SCN11A: variants seen among roughly 807,000 people sequenced by gnomAD.
SCN11A encodes the protein sodium channel protein type 11 subunit alpha.
A neutral mutation model predicts 162.2 loss-of-function variants in SCN11A; 122 were observed. That is an observed-to-expected ratio of 0.75 (90% confidence interval 0.65 to 0.87). SCN11A has a LOEUF of 0.87. Ranked by LOEUF, SCN11A falls within the 40% of genes least tolerant of loss-of-function variation. The pLI is 0.00. For missense variants in SCN11A, 2,015 were observed against 2,181.6 expected (o/e 0.92, Z 1.52); for synonymous variants, 758 against 751.5 (o/e 1.01, Z -0.14).
At chr3:38,925,334 T>G in intron 9 of SCN11A, 81 bp downstream of exon 9, 1 of 934,650 alleles carries the variant, frequency 1.1e-6, no homozygotes, top group East Asian at 2.6e-5. Context: ...TTGGTTTACA[T>G]GATGACATTT....
chr3:38,871,318 A>C (rs2126095650), intron 25 of SCN11A, 127 bp downstream of exon 25: 1 of 937,504 alleles, frequency 1.1e-6, no homozygotes. Flanking sequence ...ATTGGCTTTC[A>C]TATAAGGAAT....
chr3:38,964,942 G>T (rs1259293581), intron 2 of SCN11A, among the ~76,000 whole-genome samples: 1 of 152,244 alleles, frequency 6.6e-6, no homozygotes, highest in African/African-American at 2.4e-5. Context: ...TGACATCCAT[G>T]CAAATAAGCA....
chr3:38,868,084 T>C (rs2065070239), intron 26 of SCN11A, among the ~76,000 whole-genome samples: 2 of 152,210 alleles, frequency 1.3e-5, no homozygotes, highest in Admixed American at 6.5e-5. Flanking sequence ...TAGTCTAAGA[T>C]ACAACCCAAA....
intron 4 of SCN11A, among the ~76,000 whole-genome samples, chr3:38,951,323 C>A (rs867309345): frequency 6.6e-6 from 1 of 152,226 alleles, no homozygotes; most frequent in Non-Finnish European, 1.5e-5. Context: ...TGTACTGGGT[C>A]CCCCAGCAGA....
chr3:38,955,778 TACTCCCAAACA>T (rs550672111), intron 3 of SCN11A, among the ~76,000 whole-genome samples: 22 of 152,360 alleles, frequency 1.4e-4, no homozygotes, highest in African/African-American at 4.6e-4. Context: ...CTTGAGTATA[TACTCCCAAACA>T]ATGAAAAGAG....
intron 17 of SCN11A, 71 bp from the exon 18 acceptor site, chr3:38,897,296 A>G (rs2065620097): frequency 6.8e-7 from 1 of 1,469,086 alleles, no homozygotes; most frequent in Non-Finnish European, 9.2e-7. Flanking sequence ...GCTCATCTAT[A>G]AAGCAAATGA....
chr3:38,938,513 T>TATATATATAC (rs1437847716), intron 7 of SCN11A, among the ~76,000 whole-genome samples: 19 of 10,740 alleles, frequency 1.8e-3, no homozygotes, highest in African/African-American at 6.4e-3. Flanking sequence ...AAATATCATA[T>TATATATATAC]ATATATATAT....
At chr3:38,858,256 C>G (rs1434203120) in intron 28 of SCN11A, among the ~76,000 whole-genome samples, 1 of 152,088 alleles carries the variant, frequency 6.6e-6, no homozygotes, top group East Asian at 1.9e-4. Flanking sequence ...AACCAAGCAT[C>G]TACTGTCTTC....
intron 2 of SCN11A, among the ~76,000 whole-genome samples, chr3:38,964,766 G>C (rs1336489171): frequency 1.3e-5 from 2 of 152,182 alleles, no homozygotes; most frequent in Non-Finnish European, 2.9e-5. Context: ...AAGAAGAGGA[G>C]GCAAAGTTGA....
intron 11 of SCN11A, among the ~76,000 whole-genome samples, chr3:38,918,480 A>G (rs1393897110): frequency 6.6e-6 from 1 of 152,216 alleles, no homozygotes; most frequent in East Asian, 1.9e-4. Context: ...CACGCTCCTT[A>G]TGAGAATCTA....
intron 2 of SCN11A, among the ~76,000 whole-genome samples, chr3:39,004,898 GA>G (rs1198789142): frequency 6.6e-6 from 1 of 152,124 alleles, no homozygotes; most frequent in Non-Finnish European, 1.5e-5. Flanking sequence ...CTGAGACACC[GA>G]ATTGTAGAAG....
chr3:39,035,091 AAAAATCCT>A (rs1271761775), intron 1 of SCN11A, among the ~76,000 whole-genome samples: 1 of 152,190 alleles, frequency 6.6e-6, no homozygotes, highest in Non-Finnish European at 1.5e-5. Flanking sequence ...AGAAATAAAA[AAAAATCCT>A]AAAATTTATA....
Position 38,847,141 on chromosome 3 carries a change from A to G in SCN11A, c.4929T>C (p.Tyr1643=), listed in dbSNP as rs1428116575. The G allele has an allele frequency of 6.2e-7, 1 of 1,614,246 alleles. No homozygotes were observed. The highest frequency in any genetic ancestry group is 8.5e-7 in the Non-Finnish European group (1 of 1,180,048). Residue 1643 remains tyrosine, a synonymous_variant, in exon 30 of 30, where the codon TAT becomes TAC. Coordinates refer to ENST00000302328, the MANE Select transcript of SCN11A (RefSeq NM_001349253.2). ...CATCAGCAAAGTCAGAAAGGGCAGA[A>G]TATTTGATAAATTGTGTTGCTTCTG... is the stretch of plus-strand genomic sequence containing the variant. ...FDPEATQFIK[Y]SALSDFADAL...
At chr3:38,886,925 C>A (rs1304459955) in intron 19 of SCN11A, among the ~76,000 whole-genome samples, 1 of 151,972 alleles carries the variant, frequency 6.6e-6, no homozygotes, top group Non-Finnish European at 1.5e-5. Flanking sequence ...TTTTTTTCTT[C>A]TTTTCCTCTT....
At chr3:38,908,378 T>C (rs943415250) in intron 13 of SCN11A, among the ~76,000 whole-genome samples, 1 of 152,204 alleles carries the variant, frequency 6.6e-6, no homozygotes, top group African/African-American at 2.4e-5. Flanking sequence ...TAGCACAGTG[T>C]CCAGTATGCG....
At chr3:38,936,994 A>G (rs940383961) in intron 7 of SCN11A, among the ~76,000 whole-genome samples, 12 of 152,096 alleles carry the variant, frequency 7.9e-5, no homozygotes, top group African/African-American at 2.2e-4. Context: ...ACAGTAACCA[A>G]AACAGCATGG....
chr3:38,898,685 T>G (rs2065646822), intron 17 of SCN11A, among the ~76,000 whole-genome samples: 1 of 152,210 alleles, frequency 6.6e-6, no homozygotes, highest in Non-Finnish European at 1.5e-5. Flanking sequence ...TATAGGTTGT[T>G]TCTTATATTA....
At position 39,030,587 on chromosome 3, in the gene SCN11A, T is replaced by C. The variant is rs1665240399; in HGVS notation, c.-280+1793A>G. Among the ~76,000 whole-genome samples, 3 of 152,140 alleles carry C rather than the reference T, an allele frequency of 2.0e-5. 1 individual carries two copies. In the South Asian group the frequency reaches 6.2e-4, roughly 31 times the overall value. On this transcript the variant is annotated intron_variant, in intron 2 of 29. Coordinates refer to ENST00000302328, the MANE Select transcript of SCN11A (RefSeq NM_001349253.2). ...TCTATCATTTTAGCTGGCCAAGAGC[T>C]TGAAATTATTTTTATTTTTAATAAT...
rs553388188 is a variant in SCN11A at position 38,897,165 on chromosome 3, C to T, written c.2083G>A (p.Gly695Ser). The T allele has an allele frequency of 8.7e-6, 14 of 1,613,974 alleles. No homozygotes were observed. The highest frequency in any genetic ancestry group is 5.3e-5 in the African/African-American group (4 of 74,998). ...PTLNTLIKIIGNSVGALGSLT... is the reference protein window; with the variant it reads ...PTLNTLIKIISNSVGALGSLT... ...CTTCCAAGGGCTCCGACAGAGTTGC[C>T]GATTATCTTAATTAGTGTGTTCAAA... The change falls in exon 18 of 30, where the codon GGC becomes AGC. Residue 695 changes from glycine to serine, a missense_variant. Gly to Ser is a moderately conservative substitution (Grantham distance 56). Coordinates refer to ENST00000302328, the MANE Select transcript of SCN11A (RefSeq NM_001349253.2).
Sources: gnomAD v4.1 joint callset for allele counts (sites outside exome capture counted in the v4.1 genomes callset) on GRCh38, gnomAD v4.1.1 for gene constraint, MANE v1.5 for transcripts, NCBI Gene and HGNC (gene_info 2026-07-23, HGNC 2026-07-21) for gene names.